The following PHACTR1 variants were observed in gnomAD, a reference collection of about 807,000 sequenced individuals.
The protein encoded by PHACTR1 is RPEL repeat containing 1.
A neutral mutation model predicts 69.2 loss-of-function variants in PHACTR1; 16 were observed. The ratio of observed to expected loss-of-function variants is 0.23; its 90% CI spans 0.16 to 0.35. The LOEUF (loss-of-function observed/expected upper bound fraction) is 0.35, where lower values mean the gene tolerates loss of function less well. Among genes scored for constraint, PHACTR1 ranks in the 10% least tolerant of loss-of-function variants. The pLI, the probability that PHACTR1 is intolerant of heterozygous loss-of-function variation, is 1.00. For missense variants in PHACTR1, 510 were observed against 734.7 expected (o/e 0.69, Z 3.54); for synonymous variants, 312 against 284.5 (o/e 1.10, Z -0.97).
intron 4 of PHACTR1, among the ~76,000 whole-genome samples, chr6:12,926,494 C>G (rs9463293): frequency 6.6e-6 from 1 of 152,202 alleles, no homozygotes; most frequent in African/African-American, 2.4e-5. Flanking sequence ...ACAGTTACTT[C>G]GAATTCCTTT....
chr6:12,946,149 AG>A (rs2127547183), intron 4 of PHACTR1, among the ~76,000 whole-genome samples: 1 of 152,016 alleles, frequency 6.6e-6, no homozygotes, highest in East Asian at 1.9e-4. Flanking sequence ...CAAAAGATAA[AG>A]AATAAAGAAA....
chr6:12,718,898 T>A, intron 3 of PHACTR1, 51 bp downstream of exon 3: 3 of 1,125,196 alleles, frequency 2.7e-6, no homozygotes, highest in Non-Finnish European at 3.9e-6. Flanking sequence ...CGGTTTTATA[T>A]GAACAGCCAT....
intron 5 of PHACTR1, among the ~76,000 whole-genome samples, chr6:13,058,298 C>T (rs988363930): frequency 1.3e-5 from 2 of 152,158 alleles, no homozygotes; most frequent in South Asian, 2.1e-4. Flanking sequence ...AAGACACCAC[C>T]GAGTTATGCT....
chr6:12,891,174 A>G (rs566439018), intron 4 of PHACTR1, among the ~76,000 whole-genome samples: 11 of 151,998 alleles, frequency 7.2e-5, no homozygotes, highest in African/African-American at 9.7e-5. Context: ...AGTAGTATCA[A>G]TTTTTCTTGG....
rs184164928 is a variant in PHACTR1 at position 13,211,844 on chromosome 6, A to G, written c.986+5708A>G. 1.3e-3 allele frequency among the ~76,000 whole-genome samples: 205 copies of G among 152,206 alleles called. 2 individuals are homozygous for G. Among genetic ancestry groups the G allele is most frequent in the Middle Eastern group, 0.01 (3 of 294 alleles). ...TGCTCTGCAGCCCATCCCCACTACA[A>G]CAGCAAAAGAGACAGGGTTTGAGGA... On this transcript the variant is annotated intron_variant, in intron 8 of 14. Transcript: ENST00000332995.
Position 13,203,708 on chromosome 6 carries a change from G to A in PHACTR1, c.665-2107G>A, listed in dbSNP as rs149354081. Among the ~76,000 whole-genome samples, 4 of 152,290 alleles carry A rather than the reference G, an allele frequency of 2.6e-5. No homozygotes were observed. In the East Asian group the frequency reaches 7.7e-4, roughly 29 times the overall value. On this transcript the variant is annotated intron_variant, in intron 7 of 14. Transcript: ENST00000332995. ...AACAGAGGAGAATATTCTAAACTGAGGGAAAGTGACATGCAAAAGCCTAGG... is the reference window on the plus strand; with the variant it reads ...AACAGAGGAGAATATTCTAAACTGAAGGAAAGTGACATGCAAAAGCCTAGG...
chr6:12,752,176 C>A (rs148335408), intron 4 of PHACTR1, among the ~76,000 whole-genome samples: 1 of 152,168 alleles, frequency 6.6e-6, no homozygotes, highest in African/African-American at 2.4e-5. Flanking sequence ...GCTTCCCTAA[C>A]GAAGTAAGAT....
intron 5 of PHACTR1, among the ~76,000 whole-genome samples, chr6:13,109,571 A>G (rs529239287): frequency 6.6e-6 from 1 of 151,702 alleles, no homozygotes; most frequent in South Asian, 2.1e-4. Context: ...TCTTCTTATC[A>G]CTAATTTGGA....
intron 7 of PHACTR1, among the ~76,000 whole-genome samples, chr6:13,205,401 A>AC (rs1765761229): frequency 1.3e-5 from 2 of 152,204 alleles, no homozygotes; most frequent in Admixed American, 6.5e-5. Context: ...ATTATATTTC[A>AC]CCATGAGTTT....
chr6:12,749,765 C>G lies in PHACTR1; in HGVS notation c.225C>G (p.Ala75=). Reference sequence around the variant, plus strand: ...GCGACACGCCGTACCTCGCAGAGGCCAGGATCTCCTTTAACCTGGGGGCAG... The same window carrying G: ...GCGACACGCCGTACCTCGCAGAGGCGAGGATCTCCTTTAACCTGGGGGCAG... ...SKSDTPYLAE[A]RISFNLGAAE... Residue 75 remains alanine (A), a synonymous_variant, in exon 4 of 15, where the codon GCC becomes GCG. Transcript: ENST00000332995. 6.2e-7 allele frequency: 1 copy of G among 1,610,862 alleles called. No individual in the cohort carries two copies.
chr6:12,803,560 A>G (rs9463138), intron 4 of PHACTR1, among the ~76,000 whole-genome samples: 56,602 of 152,174 alleles, frequency 0.37, 11,338 homozygotes, highest in African/African-American at 0.5. Context: ...TGTAAAATGT[A>G]CTTGAATAAA....
intron 10 of PHACTR1, among the ~76,000 whole-genome samples, chr6:13,270,127 A>G (rs1777426566): frequency 6.6e-6 from 1 of 152,094 alleles, no homozygotes; most frequent in Admixed American, 6.6e-5. Flanking sequence ...GGTTCTCACA[A>G]CTCCCTCTTT....
chr6:13,107,956 C>T (rs1816442403), intron 5 of PHACTR1, among the ~76,000 whole-genome samples: 1 of 151,860 alleles, frequency 6.6e-6, no homozygotes, highest in Non-Finnish European at 1.5e-5. Context: ...TCGCTTCTTC[C>T]ATTTCTTTAA....
chr6:13,248,820 G>A (rs931894110), intron 10 of PHACTR1, among the ~76,000 whole-genome samples: 22 of 152,190 alleles, frequency 1.4e-4, no homozygotes, highest in African/African-American at 5.3e-4. Context: ...GTGGGCTAAA[G>A]CACAAGCAAG....
chr6:13,068,253 G>A (rs559988139), intron 5 of PHACTR1, among the ~76,000 whole-genome samples: 43 of 152,238 alleles, frequency 2.8e-4, no homozygotes, highest in African/African-American at 9.4e-4. Context: ...GGGGACAGAG[G>A]TTGCAGTGAG....
At chr6:13,020,189 G>C (rs758566516) in intron 4 of PHACTR1, among the ~76,000 whole-genome samples, 12 of 152,174 alleles carry the variant, frequency 7.9e-5, no homozygotes, top group Non-Finnish European at 1.8e-4. Flanking sequence ...TGTTGGTTTG[G>C]AAAAGAAGAA....
intron 4 of PHACTR1, among the ~76,000 whole-genome samples, chr6:12,859,943 C>T (rs756936932): frequency 6.6e-5 from 10 of 152,018 alleles, no homozygotes; most frequent in African/African-American, 2.2e-4. Flanking sequence ...GGTACCATTG[C>T]GCTTCCTGTA....
intron 4 of PHACTR1, among the ~76,000 whole-genome samples, chr6:12,934,827 T>C (rs1396929634): frequency 6.7e-6 from 1 of 148,424 alleles, no homozygotes; most frequent in Non-Finnish European, 1.5e-5. Context: ...CAGAATGAGA[T>C]CCTCTCTCAA....
chr6:13,268,299 G>A (rs1236554646), intron 10 of PHACTR1, among the ~76,000 whole-genome samples: 2 of 152,152 alleles, frequency 1.3e-5, no homozygotes, highest in Admixed American at 6.5e-5. Context: ...CTCTGAGCAT[G>A]CCAAAGAGAA....
Sources: allele counts gnomAD v4.1 joint callset (sites outside exome capture counted in the v4.1 genomes callset), GRCh38; gene constraint gnomAD v4.1.1; transcripts MANE v1.5; gene names NCBI Gene and HGNC (gene_info 2026-07-23, HGNC 2026-07-21).